Variants in ANK3 observed in about 807,000 individuals in gnomAD.
ANK3 encodes the protein ankyrin 3.
Under a neutral mutation model 370.9 loss-of-function variants are expected in ANK3, and 57 were observed. The observed-to-expected ratio is 0.15, with a 90% confidence interval of 0.12 to 0.19. ANK3 has a LOEUF of 0.19. Among genes scored for constraint, ANK3 ranks in the 10% least tolerant of loss-of-function variants. The probability of loss-of-function intolerance (pLI) is 1.00; values close to 1 mark genes in which losing one functional copy is unlikely to be tolerated. For missense variants in ANK3, 4,439 were observed against 5,302.1 expected (o/e 0.84, Z 5.06); for synonymous variants, 1,929 against 1,946.3 (o/e 0.99, Z 0.23).
At chr10:60,360,550 G>T (rs1042936650) in intron 1 of ANK3, among the ~76,000 whole-genome samples, 2 of 152,042 alleles carry the variant, frequency 1.3e-5, no homozygotes, top group African/African-American at 4.8e-5. Context: ...CTCTACAAAA[G>T]ATTAAAAAGT....
In ANK3 at chr10:60,475,391, T is replaced by C. The variant is rs569823389; in HGVS notation, c.96+139795A>G. ...TCATAGACAAGTGTTGCATTTCCTG[T>C]TCACTACTGTTCCTTGCGTCCATAA... On this transcript the variant is annotated intron_variant, in intron 2 of 43. Coordinates refer to the ANK3 transcript ENST00000373827. Among the ~76,000 whole-genome samples the C allele has an allele frequency of 3.3e-5, 5 of 152,296 alleles. No individual in the cohort carries two copies. The South Asian group carries it at 8.3e-4, about 25-fold the overall frequency.
At chr10:60,602,573 A>G (rs528613603) in intron 2 of ANK3, among the ~76,000 whole-genome samples, 2 of 152,250 alleles carry the variant, frequency 1.3e-5, no homozygotes, top group South Asian at 2.1e-4. Flanking sequence ...TTTTATGTCA[A>G]TGGGGCCCAT....
chr10:60,685,131 G>C, intron 1 of ANK3: 2 of 834,050 alleles, frequency 2.4e-6, no homozygotes, highest in Non-Finnish European at 3.6e-6. Context: ...GTCTGATTTT[G>C]ACAAATGGAA....
chr10:60,405,094 A>C (rs185517437), intron 2 of ANK3, among the ~76,000 whole-genome samples: 11 of 152,290 alleles, frequency 7.2e-5, no homozygotes, highest in Non-Finnish European at 1.3e-4. Context: ...GAAATTGCAC[A>C]ACCACTTGGA....
In ANK3 at chr10:60,070,533, C is replaced by T. The variant is rs770538636; in HGVS notation, c.10348G>A (p.Gly3450Ser). 1 of 1,614,154 alleles carries T rather than the reference C, an allele frequency of 6.2e-7. No homozygotes were observed. The highest frequency in any genetic ancestry group is 2.2e-5 in the East Asian group (1 of 44,870). The change falls in exon 37 of 44, where the codon GGC becomes AGC. Residue 3450 changes from glycine to serine, a missense_variant. Coordinates refer to ENST00000280772, the MANE Select transcript of ANK3 (RefSeq NM_020987.5). The surrounding 1 kb of genome is among the most constrained non-coding windows in gnomAD (Gnocchi z 5.7). The part of the protein sequence containing the change: ...EIKKDIWNTE[G>S]ILKPADRSFS... Reference sequence around the variant, plus strand: ...GAGCGGTCAGCTGGCTTCAGAATGCCCTCTGTGTTCCAGATATCTTTCTTA... The same window carrying T: ...GAGCGGTCAGCTGGCTTCAGAATGCTCTCTGTGTTCCAGATATCTTTCTTA...
At chr10:60,600,491 G>A (rs937366542) in intron 2 of ANK3, among the ~76,000 whole-genome samples, 35 of 152,146 alleles carry the variant, frequency 2.3e-4, no homozygotes, top group African/African-American at 7.7e-4. Context: ...ACTTCACCCT[G>A]CTTTCTGGTT....
Position 60,598,370 on chromosome 10 carries a change from CCTT to C in ANK3, c.96+16813_96+16815del, listed in dbSNP as rs148347262. ...TTAACTCCTCAGTTCCTTAGCAAAT[CCTT>C]CTTTCTAGGATACAAAAATAAATTG... On this transcript the variant is annotated intron_variant, in intron 2 of 43. Coordinates refer to the ANK3 transcript ENST00000373827. Among the ~76,000 whole-genome samples, 510 of 152,268 alleles carry C rather than the reference CCTT, an allele frequency of 3.3e-3. 1 individual carries two copies. Among genetic ancestry groups the C allele is most frequent in the African/African-American group, 0.012 (496 of 41,548 alleles).
chr10:60,612,326 T>G (rs2078211974), intron 2 of ANK3, among the ~76,000 whole-genome samples: 1 of 152,094 alleles, frequency 6.6e-6, no homozygotes, highest in African/African-American at 2.4e-5. Flanking sequence ...TCCAAAGCAC[T>G]GAGGCAGATG....
At chr10:60,268,910 T>C (rs1455457019) in intron 5 of ANK3, among the ~76,000 whole-genome samples, 1 of 152,214 alleles carries the variant, frequency 6.6e-6, no homozygotes, top group African/African-American at 2.4e-5. Flanking sequence ...AATTTTCATA[T>C]ATTTATGTTT....
At chr10:60,104,811 T>C (rs2091941998) in intron 28 of ANK3, among the ~76,000 whole-genome samples, 1 of 152,244 alleles carries the variant, frequency 6.6e-6, no homozygotes, top group Non-Finnish European at 1.5e-5. Context: ...AAGGGCTTAC[T>C]ATGTAACAAG....
At chr10:60,134,425 A>G in intron 24 of ANK3, 52 bp from the exon 25 acceptor site, 2 of 1,404,036 alleles carry the variant, frequency 1.4e-6, no homozygotes, top group Non-Finnish European at 2.0e-6. Context: ...GATGAGATGA[A>G]TAAAAAAAAA....
At chr10:60,401,321 T>A (rs550334498) in intron 2 of ANK3, among the ~76,000 whole-genome samples, 17 of 152,178 alleles carry the variant, frequency 1.1e-4, no homozygotes, top group African/African-American at 4.1e-4. Flanking sequence ...TTTGCACTGA[T>A]AGGCAATGAT....
intron 2 of ANK3, among the ~76,000 whole-genome samples, chr10:60,569,592 C>G (rs2077543497): frequency 6.6e-6 from 1 of 152,144 alleles, no homozygotes; most frequent in Admixed American, 6.6e-5. Context: ...CAACTTGAAT[C>G]ATTATATTCC....
chr10:60,687,286 T>C (rs59707827), intron 1 of ANK3, among the ~76,000 whole-genome samples: 1,789 of 152,282 alleles, frequency 0.012, 35 homozygotes, highest in African/African-American at 0.04. Context: ...TTGGAAGCCA[T>C]ATCTGATAAA....
rs2083454867 is a variant in ANK3, at chr10:60,074,963, G to A, written c.5918C>T (p.Ser1973Leu). ...KKDVCVDNKG[S>L]PKSPKSDKGH... ...TTTGTCACTCTTTGGTGATTTGGGT[G>A]ATCCTTTATTATCTACACATACATC... Residue 1973 changes from serine (S) to leucine (L), a missense_variant, in exon 37 of 44, where the codon TCA becomes TTA. Around this residue, in one of 13 missense-constraint regions of ANK3, gnomAD observed 679 missense variants for 791.0 expected, o/e 0.86. Transcript: ENST00000280772. 1 of 1,613,802 alleles carries A rather than the reference G, an allele frequency of 6.2e-7. No homozygotes were observed. The highest frequency in any genetic ancestry group is 1.3e-5 in the African/African-American group (1 of 74,856).
In ANK3 at chr10:60,213,384, A is replaced by G. The variant is rs759997366; in HGVS notation, c.996+28T>C. 2.0e-6 allele frequency: 3 copies of G among 1,500,892 alleles called. No homozygotes were observed. The Admixed American group carries it at 5.1e-5, about 25-fold the overall frequency. 93.0% of individuals were successfully genotyped at this position (1,500,892 alleles called of 1,614,324 possible). A position where few individuals can be genotyped will look rare whatever the true frequency, so the allele number is the denominator to read the frequency against. ...ATAACCATCAAAATAAATACAGTCC[A>G]ATGTCCAGAAACCTGAAAAGAAATT... On this transcript the variant is annotated intron_variant, in intron 9 of 43. Transcript: ENST00000280772.
intron 2 of ANK3, among the ~76,000 whole-genome samples, chr10:60,509,805 T>G (rs1567105414): frequency 6.6e-6 from 1 of 152,172 alleles, no homozygotes; most frequent in African/African-American, 2.4e-5. Context: ...TTATTTGTCC[T>G]TAGATGAATT....
intron 2 of ANK3, among the ~76,000 whole-genome samples, chr10:60,611,692 C>T (rs2078203833): frequency 1.3e-5 from 2 of 151,690 alleles, no homozygotes; most frequent in Non-Finnish European, 2.9e-5. Context: ...CTCACACTTT[C>T]CTTCATCCTT....
chr10:60,311,884 C>T (rs1329169188), intron 1 of ANK3, among the ~76,000 whole-genome samples: 1 of 152,164 alleles, frequency 6.6e-6, no homozygotes, highest in African/African-American at 2.4e-5. Context: ...CCTTATTTTC[C>T]AGGTAATACC....
Sources: gnomAD v4.1 joint callset for allele counts (sites outside exome capture counted in the v4.1 genomes callset) on GRCh38, gnomAD v4.1.1 for gene constraint, gnomAD v4.1.1 regional missense constraint, Gnocchi (gnomAD v3.1) non-coding constraint, MANE v1.5 for transcripts, NCBI Gene and HGNC (gene_info 2026-07-23, HGNC 2026-07-21) for gene names.